Variants in SOX5 observed in about 807,000 individuals in gnomAD.
SOX5 encodes the protein transcription factor SOX-5.
Under a neutral mutation model 92.0 loss-of-function variants are expected in SOX5, and 9 were observed. That is an observed-to-expected ratio of 0.10 (90% CI 0.06 to 0.17). SOX5 has a LOEUF of 0.17. Among genes scored for constraint, SOX5 ranks in the 10% least tolerant of loss-of-function variants. The pLI, the probability that SOX5 is intolerant of heterozygous loss-of-function variation, is 1.00. For missense variants in SOX5, 642 were observed against 944.5 expected, an observed-to-expected ratio of 0.68 and a Z score of 4.20; for synonymous variants, 344 against 336.3, an observed-to-expected ratio of 1.02 and a Z score of -0.25.
rs566909978 is a variant in SOX5, at chr12:24,465,857, G to C, written c.-251+96472C>G. Among the ~76,000 whole-genome samples the C allele has an allele frequency of 1.4e-4, 22 of 152,314 alleles. No individual in the cohort carries two copies. In the South Asian group the frequency reaches 3.7e-3, roughly 26 times the overall value. On this transcript the variant is annotated intron_variant, in intron 1 of 4. Coordinates refer to the SOX5 transcript ENST00000446891. ...CAGAGGCTCCAGAGGGCTTTCGGGAGAACCTGCAATATCTAACACTATTGC... is the reference window on the plus strand; with the variant it reads ...CAGAGGCTCCAGAGGGCTTTCGGGACAACCTGCAATATCTAACACTATTGC...
chr12:23,994,185 T>C (rs1406997817), intron 4 of SOX5, among the ~76,000 whole-genome samples: 2 of 151,948 alleles, frequency 1.3e-5, no homozygotes, highest in Non-Finnish European at 2.9e-5. Flanking sequence ...AGGTGTATCA[T>C]GAGAGGGAAA....
At chr12:24,113,256 A>T (rs1189429834) in intron 4 of SOX5, among the ~76,000 whole-genome samples, 2 of 25,936 alleles carry the variant, frequency 7.7e-5, no homozygotes, top group African/African-American at 1.4e-4. Context: ...GTAGAATCAT[A>T]AAAAAAAAAA....
intron 3 of SOX5, among the ~76,000 whole-genome samples, chr12:23,808,582 A>G (rs564754875): frequency 7.9e-5 from 12 of 152,230 alleles, no homozygotes; most frequent in Admixed American, 1.3e-4. Context: ...AAATTTCTAT[A>G]CAAGCATGCA....
intron 8 of SOX5, among the ~76,000 whole-genome samples, chr12:23,628,634 T>C (rs2078140971): frequency 6.6e-6 from 1 of 151,984 alleles, no homozygotes; most frequent in East Asian, 1.9e-4. Flanking sequence ...AGCAGTTGGA[T>C]AAGAAAAAGG....
intron 3 of SOX5, among the ~76,000 whole-genome samples, chr12:23,767,247 C>CACAT (rs2094766920): frequency 1.4e-5 from 2 of 138,764 alleles, no homozygotes; most frequent in Admixed American, 7.3e-5. Context: ...CACACACACA[C>CACAT]ATATATATAT....
At chr12:23,993,479 T>C (rs904990311) in intron 4 of SOX5, among the ~76,000 whole-genome samples, 1 of 152,084 alleles carries the variant, frequency 6.6e-6, no homozygotes, top group South Asian at 2.1e-4. Flanking sequence ...TAAAAGGAGA[T>C]AGGACTCAAA....
chr12:24,248,819 T>A (rs1038103078), intron 3 of SOX5, among the ~76,000 whole-genome samples: 1 of 152,212 alleles, frequency 6.6e-6, no homozygotes, highest in Non-Finnish European at 1.5e-5. Context: ...GTAAGGTTAC[T>A]TGTTTATGTT....
At chr12:23,870,738 T>C (rs1374450463) in intron 2 of SOX5, among the ~76,000 whole-genome samples, 1 of 151,712 alleles carries the variant, frequency 6.6e-6, no homozygotes, top group Non-Finnish European at 1.5e-5. Flanking sequence ...AATTGTATTC[T>C]AAATTGGATT....
At chr12:24,117,634 G>A (rs931408531) in intron 4 of SOX5, among the ~76,000 whole-genome samples, 7 of 152,162 alleles carry the variant, frequency 4.6e-5, no homozygotes, top group Non-Finnish European at 8.8e-5. Context: ...ACTATCCAGC[G>A]TTAGAATAGA....
chr12:24,526,641 C>T (rs1006669782), intron 1 of SOX5, among the ~76,000 whole-genome samples: 2 of 152,086 alleles, frequency 1.3e-5, no homozygotes, highest in Non-Finnish European at 2.9e-5. Flanking sequence ...CCCCCAACCA[C>T]AACAAGCCAG....
chr12:24,409,053 T>C (rs1400514467), intron 1 of SOX5, among the ~76,000 whole-genome samples: 1 of 152,142 alleles, frequency 6.6e-6, no homozygotes, highest in African/African-American at 2.4e-5. Flanking sequence ...CTATTTACAA[T>C]AGCAAAGACA....
intron 2 of SOX5, among the ~76,000 whole-genome samples, chr12:23,885,228 T>C (rs2097050754): frequency 2.0e-5 from 3 of 152,206 alleles, no homozygotes; most frequent in South Asian, 4.1e-4. Flanking sequence ...GTAAGTGTAA[T>C]GCTAAAATTA....
At chr12:23,748,930 C>G (rs2094093890) in intron 4 of SOX5, among the ~76,000 whole-genome samples, 1 of 151,906 alleles carries the variant, frequency 6.6e-6, no homozygotes, top group South Asian at 2.1e-4. Flanking sequence ...TATTTGCTAC[C>G]ATTATATCTC....
intron 6 of SOX5, among the ~76,000 whole-genome samples, chr12:23,719,137 C>A (rs1454460524): frequency 6.6e-6 from 1 of 152,036 alleles, no homozygotes; most frequent in African/African-American, 2.4e-5. Context: ...TTAATTTTTT[C>A]TGCTATTGAC....
intron 1 of SOX5, among the ~76,000 whole-genome samples, chr12:24,480,704 A>G (rs1945891343): frequency 6.6e-6 from 1 of 152,190 alleles, no homozygotes. Flanking sequence ...CAAAACTACA[A>G]TGAGATATCA....
chr12:24,457,299 A>G (rs1943127538), intron 1 of SOX5, among the ~76,000 whole-genome samples: 2 of 152,196 alleles, frequency 1.3e-5, no homozygotes, highest in Admixed American at 6.5e-5. Flanking sequence ...TAACCTGAAA[A>G]TTAATTTTTG....
chr12:23,688,139 G>T (rs889608978), intron 6 of SOX5, among the ~76,000 whole-genome samples: 1 of 151,822 alleles, frequency 6.6e-6, no homozygotes, highest in Non-Finnish European at 1.5e-5. Flanking sequence ...CTTTTATATG[G>T]TCCCTTGGGG....
intron 4 of SOX5, among the ~76,000 whole-genome samples, chr12:23,957,456 C>T (rs12820670): frequency 1.2e-4 from 18 of 152,084 alleles, no homozygotes; most frequent in Non-Finnish European, 2.4e-4. Context: ...CAGTAAATAC[C>T]TCACGTGTGT....
intron 4 of SOX5, among the ~76,000 whole-genome samples, chr12:23,956,512 G>C (rs1946298390): frequency 6.6e-6 from 1 of 152,198 alleles, no homozygotes; most frequent in Non-Finnish European, 1.5e-5. Flanking sequence ...GATGATCTGA[G>C]GTGGAACCAT....
Sources: gnomAD v4.1 joint callset for allele counts (sites outside exome capture counted in the v4.1 genomes callset) on GRCh38, gnomAD v4.1.1 for gene constraint, MANE v1.5 for transcripts, NCBI Gene and HGNC (gene_info 2026-07-23, HGNC 2026-07-21) for gene names.